MGAT1: variants seen among roughly 807,000 people sequenced by gnomAD.
MGAT1 encodes N-glycosyl-oligosaccharide-glycoprotein N-acetylglucosaminyltransferase I.
MGAT1 carries 14 observed loss-of-function variants against 31.7 expected under a neutral mutation model. The observed-to-expected ratio is 0.44, with a 90% CI of 0.29 to 0.69. The LOEUF (loss-of-function observed/expected upper bound fraction) is 0.69, where lower values mean the gene tolerates loss of function less well. Among genes scored for constraint, MGAT1 ranks in the 30% least tolerant of loss-of-function variants. MGAT1 has a pLI of 0.12. For missense variants in MGAT1, 557 were observed against 626.0 expected (o/e 0.89, Z 1.18); for synonymous variants, 338 against 276.0 (o/e 1.22, Z -2.23).
At chr5:180,796,099 C>T (rs2113318226) in intron 1 of MGAT1, among the ~76,000 whole-genome samples, 1 of 152,298 alleles carries the variant, frequency 6.6e-6, no homozygotes, top group African/African-American at 2.4e-5. Context: ...TGCCAGTTGC[C>T]CTCTGCCTCA....
Position 180,787,229 on chromosome 5 carries a change from A to G in MGAT1, c.*4405T>C, listed in dbSNP as rs963105311. The G allele has an allele frequency of 6.6e-6, 1 of 152,264 alleles. No homozygotes were observed. The highest frequency in any genetic ancestry group is 6.5e-5 in the Admixed American group (1 of 15,284). 9.4% of individuals were successfully genotyped at this position (152,264 alleles called of 1,614,324 possible). On this transcript the variant is annotated 3_prime_UTR_variant, in exon 2 of 2. Coordinates refer to ENST00000307826, the MANE Select transcript of MGAT1 (RefSeq NM_002406.4). The stretch of plus-strand genomic sequence containing the variant: ...GGCCGGCCCAGGCCCACCGCACTCT[A>G]TGACATCGGCCACCAGGCTGGTCTC...
At chr5:180,805,719 C>T (rs1412622245), upstream of MGAT1, among the ~76,000 whole-genome samples, 1 of 151,830 alleles carries the variant, frequency 6.6e-6, no homozygotes, top group Non-Finnish European at 1.5e-5. Flanking sequence ...CACTGCACTC[C>T]AGCCTGGGTG....
At position 180,791,364 on chromosome 5, in the gene MGAT1, GC is replaced by G; in HGVS notation, c.*269del. The G allele has an allele frequency of 1.9e-6, 1 of 534,510 alleles. No homozygotes were observed. Among genetic ancestry groups the G allele is most frequent in the Non-Finnish European group, 3.3e-6 (1 of 301,156 alleles). 33.1% of individuals were successfully genotyped at this position (534,510 alleles called of 1,614,324 possible). The stretch of plus-strand genomic sequence containing the variant: ...AAAGCTCAGGACGTGGACATTTCTG[GC>G]CCCAACAAGCCCAGTGCCCCCCACC... On this transcript the variant is annotated 3_prime_UTR_variant, in exon 2 of 2. Transcript: ENST00000307826.
chr5:180,794,411 T>TTATATATATATATATATATATATATATA (rs1554130047), intron 1 of MGAT1, among the ~76,000 whole-genome samples: 5 of 141,978 alleles, frequency 3.5e-5, no homozygotes, highest in African/African-American at 1.4e-4. Context: ...TTTTTTTTTA[T>TTATATATATATATATATATATATATATA]TATATATATA....
In MGAT1 at chr5:180,787,604, C is replaced by A. The variant is rs146912940; in HGVS notation, c.*4030G>T. On this transcript the variant is annotated 3_prime_UTR_variant, in exon 2 of 2. Transcript: ENST00000307826. ...CACGCGTAAACACACGTTAAGGGAG[C>A]GTGTGCAGTATGTTGTATCTAAAAT... is the stretch of plus-strand genomic sequence containing the variant. The A allele has an allele frequency of 6.6e-6, 1 of 152,200 alleles. No individual in the cohort carries two copies. The highest frequency in any genetic ancestry group is 1.5e-5 in the Non-Finnish European group (1 of 68,038). The allele number at this position is 152,200 out of a possible 1,614,324, so 9.4% of individuals were successfully genotyped here.
chr5:180,796,402 G>A (rs1650380907), intron 1 of MGAT1, among the ~76,000 whole-genome samples: 1 of 152,036 alleles, frequency 6.6e-6, no homozygotes, highest in South Asian at 2.1e-4. Context: ...ATTATATCAG[G>A]GCTCAAATAT....
In MGAT1 at chr5:180,784,911, G is replaced by A. The variant is rs943890676; in HGVS notation, c.*6723C>T. 2.0e-5 allele frequency: 3 copies of A among 152,154 alleles called. No individual in the cohort carries two copies. Among genetic ancestry groups the A allele is most frequent in the Non-Finnish European group, 4.4e-5 (3 of 68,038 alleles). The allele number at this position is 152,154 out of a possible 1,614,324, so 9.4% of individuals were successfully genotyped here. A position where few individuals can be genotyped will look rare whatever the true frequency, so the allele number is the denominator to read the frequency against. ...TCATTCTTTACCTTTCTATCAAGTGGTACAGAAAATTATACGGTATATATT... is the reference window on the plus strand; with the variant it reads ...TCATTCTTTACCTTTCTATCAAGTGATACAGAAAATTATACGGTATATATT... On this transcript the variant is annotated 3_prime_UTR_variant, in exon 2 of 2. Coordinates refer to ENST00000307826, the MANE Select transcript of MGAT1 (RefSeq NM_002406.4).
intron 1 of MGAT1, among the ~76,000 whole-genome samples, chr5:180,796,606 A>G (rs962676862): frequency 6.6e-6 from 1 of 151,912 alleles, no homozygotes; most frequent in Admixed American, 6.6e-5. Context: ...AAAGAGTTTC[A>G]GTTTTTTTTC....
At chr5:180,815,610 C>A (rs899301533), upstream of MGAT1, 1 of 152,144 alleles carries the variant, frequency 6.6e-6, no homozygotes, top group Admixed American at 6.5e-5. Context: ...CTGGCCAATA[C>A]CCTCCTGAAA....
At chr5:180,797,433 G>C (rs796128306) in intron 1 of MGAT1, among the ~76,000 whole-genome samples, 26 of 147,370 alleles carry the variant, frequency 1.8e-4, no homozygotes, top group African/African-American at 6.3e-4. Context: ...AAAAAAAGGG[G>C]GGGGGGGCCC....
intron 1 of MGAT1, among the ~76,000 whole-genome samples, chr5:180,802,471 A>C (rs973715716): frequency 1.2e-4 from 19 of 152,148 alleles, no homozygotes; most frequent in Admixed American, 5.2e-4. Context: ...GGATTCCGAA[A>C]GCAGAAGGCG....
chr5:180,796,842 C>T lies in MGAT1; in HGVS notation c.-126-3745G>A, dbSNP rs147479440. ...GGCCAGGCTGGTGTTGAACTCCTGA[C>T]CTCAAGTGATCCACCCTCCTCAGCC... On this transcript the variant is annotated intron_variant, in intron 1 of 1. Coordinates refer to ENST00000307826, the MANE Select transcript of MGAT1 (RefSeq NM_002406.4). 4.4e-3 allele frequency among the ~76,000 whole-genome samples: 670 copies of T among 152,166 alleles called. 4 individuals are homozygous for T. Among genetic ancestry groups the T allele is most frequent in the African/African-American group, 0.015 (606 of 41,508 alleles).
At chr5:180,812,594 C>T (rs1174841808) in intron 1 of MGAT1, among the ~76,000 whole-genome samples, 1 of 152,010 alleles carries the variant, frequency 6.6e-6, no homozygotes, top group African/African-American at 2.4e-5. Context: ...ACATACATAA[C>T]AGGTACAAAT....
intron 1 of MGAT1, among the ~76,000 whole-genome samples, chr5:180,813,699 G>T (rs1772702014): frequency 6.6e-6 from 1 of 152,188 alleles, no homozygotes; most frequent in African/African-American, 2.4e-5. Flanking sequence ...TGAACATCTG[G>T]AGAACATGGT....
intron 1 of MGAT1, chr5:180,811,027 G>A (rs1190316272): frequency 6.6e-6 from 1 of 152,256 alleles, no homozygotes; most frequent in Non-Finnish European, 1.5e-5. Context: ...TCAGACGTCG[G>A]ACTCCTGAGT....
chr5:180,814,399 C>T (rs1236958332), intron 1 of MGAT1, among the ~76,000 whole-genome samples: 6 of 152,206 alleles, frequency 3.9e-5, no homozygotes, highest in Admixed American at 1.3e-4. Flanking sequence ...TTGACTCCCA[C>T]GCCAGCACGC....
rs1322228562 is a variant in MGAT1, at chr5:180,792,484, C to A, written c.488G>T (p.Arg163Leu). Residue 163 changes from arginine (R) to leucine (L), a missense_variant, in exon 2 of 2, where the codon CGG (arginine) becomes CTG (leucine). Physicochemically the swap from Arg to Leu is moderately radical, Grantham distance 102 (BLOSUM62 -2). Transcript: ENST00000307826. ...ASYGSAVTHI[R>L]QPDLSSIAVP... ...CGCAATGCTGCTCAGGTCGGGCTGC[C>A]GGATGTGCGTGACCGCGCTGCCGTA... 6.2e-7 allele frequency: 1 copy of A among 1,612,694 alleles called. No homozygotes were observed. Among genetic ancestry groups the A allele is most frequent in the Non-Finnish European group, 8.5e-7 (1 of 1,179,850 alleles).
In MGAT1 at chr5:180,792,562, A is replaced by G; in HGVS notation, c.410T>C (p.Ile137Thr). The change falls in exon 2 of 2, where the codon ATC becomes ACC. Residue 137 changes from isoleucine to threonine, a missense_variant. Ile to Thr is a moderately conservative substitution (Grantham distance 89). Around this residue, in one of 3 missense-constraint regions of MGAT1, gnomAD observed 245 missense variants for 332.9 expected, o/e 0.74. Coordinates refer to ENST00000307826, the MANE Select transcript of MGAT1 (RefSeq NM_002406.4). ...HYRPSAELFP[I>T]IVSQDCGHEE... ...GTGCCCGCAGTCCTGGCTAACGATG[A>G]TGGGGAAGAGCTCAGCCGAGGGCCG... The G allele has an allele frequency of 6.2e-7, 1 of 1,612,526 alleles. No individual in the cohort carries two copies. Among genetic ancestry groups the G allele is most frequent in the Non-Finnish European group, 8.5e-7 (1 of 1,179,696 alleles).
At chr5:180,809,732 C>T (rs1772334382) in intron 1 of MGAT1, 1 of 152,288 alleles carries the variant, frequency 6.6e-6, no homozygotes, top group Admixed American at 6.5e-5. Context: ...GTTCCCATTT[C>T]TCAGCCCGAA....
Sources: gnomAD v4.1 joint callset for allele counts (sites outside exome capture counted in the v4.1 genomes callset) on GRCh38, gnomAD v4.1.1 for gene constraint, gnomAD v4.1.1 regional missense constraint, MANE v1.5 for transcripts, NCBI Gene and HGNC (gene_info 2026-07-23, HGNC 2026-07-21) for gene names.